The following KCNH5 variants were observed in gnomAD, a reference collection of about 807,000 sequenced individuals.
The protein encoded by KCNH5 is voltage-gated delayed rectifier potassium channel KCNH5.
In KCNH5, 46 loss-of-function variants were observed where a neutral mutation model predicts 96.1. The ratio of observed to expected loss-of-function variants is 0.48; its 90% CI spans 0.38 to 0.61. The LOEUF (loss-of-function observed/expected upper bound fraction) is 0.61. Ranked by LOEUF, KCNH5 falls within the 20% of genes least tolerant of loss-of-function variation. The pLI, the probability that KCNH5 is intolerant of heterozygous loss-of-function variation, is 0.00. For synonymous variants in KCNH5, 439 were observed against 449.8 expected (o/e 0.98, Z 0.30); for missense variants, 907 against 1,225.8 (o/e 0.74, Z 3.88).
At chr14:62,862,713 T>C (rs1888061661) in intron 7 of KCNH5, among the ~76,000 whole-genome samples, 1 of 152,196 alleles carries the variant, frequency 6.6e-6, no homozygotes, top group African/African-American at 2.4e-5. Context: ...TGGGTTGTAC[T>C]GAGGGACAAC....
chr14:63,007,493 C>T (rs1326922557), intron 2 of KCNH5, among the ~76,000 whole-genome samples: 1 of 152,128 alleles, frequency 6.6e-6, no homozygotes, highest in Non-Finnish European at 1.5e-5. Context: ...AATCACAGTA[C>T]ACTAAATAAA....
chr14:62,894,017 C>T (rs552671968), intron 7 of KCNH5, among the ~76,000 whole-genome samples: 56 of 152,272 alleles, frequency 3.7e-4, no homozygotes, highest in African/African-American at 1.2e-3. Flanking sequence ...AAAGATTATG[C>T]CTCATTGAAG....
intron 8 of KCNH5, among the ~76,000 whole-genome samples, chr14:62,821,181 T>C (rs1455839281): frequency 1.3e-5 from 2 of 151,686 alleles, no homozygotes; most frequent in South Asian, 4.2e-4. Context: ...AGATGACATA[T>C]GTGCAGCCAA....
At chr14:62,746,359 C>T (rs559149120) in intron 10 of KCNH5, among the ~76,000 whole-genome samples, 23 of 152,288 alleles carry the variant, frequency 1.5e-4, no homozygotes, top group Admixed American at 7.2e-4. Context: ...TTACATTATT[C>T]ACATGCTTTG....
At chr14:62,848,121 A>G (rs1028816863) in intron 8 of KCNH5, among the ~76,000 whole-genome samples, 1 of 152,186 alleles carries the variant, frequency 6.6e-6, no homozygotes, top group Admixed American at 6.5e-5. Flanking sequence ...ACTGATTTTT[A>G]TTAGTTACCA....
At chr14:62,913,548 C>A (rs1398933867) in intron 7 of KCNH5, among the ~76,000 whole-genome samples, 1 of 152,074 alleles carries the variant, frequency 6.6e-6, no homozygotes, top group Non-Finnish European at 1.5e-5. Flanking sequence ...ATTTAGAGGT[C>A]AGTGAACAAC....
intron 10 of KCNH5, among the ~76,000 whole-genome samples, chr14:62,748,557 T>C (rs1412083742): frequency 6.6e-6 from 1 of 152,012 alleles, no homozygotes; most frequent in Non-Finnish European, 1.5e-5. Flanking sequence ...CCCTGACATA[T>C]CTCCCTGCTT....
intron 8 of KCNH5, among the ~76,000 whole-genome samples, chr14:62,813,671 A>C (rs570200155): frequency 6.6e-6 from 1 of 152,312 alleles, no homozygotes; most frequent in South Asian, 2.1e-4. Flanking sequence ...GACACAATTA[A>C]GTTATGCACT....
chr14:63,036,849 G>A (rs1891731195), intron 1 of KCNH5, among the ~76,000 whole-genome samples: 1 of 152,060 alleles, frequency 6.6e-6, no homozygotes, highest in Non-Finnish European at 1.5e-5. Flanking sequence ...GATGAATGGT[G>A]GAGAGGGTAG....
chr14:62,735,289 G>A (rs1374499186), intron 10 of KCNH5, among the ~76,000 whole-genome samples: 1 of 152,170 alleles, frequency 6.6e-6, no homozygotes, highest in African/African-American at 2.4e-5. Flanking sequence ...TCATCAGGAA[G>A]GGACTCACTT....
intron 7 of KCNH5, among the ~76,000 whole-genome samples, chr14:62,916,111 C>T (rs1889269689): frequency 6.6e-6 from 1 of 151,954 alleles, no homozygotes; most frequent in African/African-American, 2.4e-5. Context: ...CGCCACTACG[C>T]CCGGCTAATT....
At chr14:63,004,107 C>T (rs932406404) in intron 3 of KCNH5, among the ~76,000 whole-genome samples, 7 of 152,188 alleles carry the variant, frequency 4.6e-5, no homozygotes, top group Non-Finnish European at 7.3e-5. Flanking sequence ...GCTTAAAGGA[C>T]GTATTGGGAG....
At chr14:62,969,757 ATTT>A (rs779644836) in intron 6 of KCNH5, among the ~76,000 whole-genome samples, 2 of 113,898 alleles carry the variant, frequency 1.8e-5, no homozygotes, top group Admixed American at 9.3e-5. Flanking sequence ...AATAAAATTA[ATTT>A]TTTTTTTTTT....
rs71120235 is a variant in KCNH5 at position 62,814,782 on chromosome 14, C to CAAAAAAAAAAAAAAAAA, written c.1570-12218_1570-12202dup. Among the ~76,000 whole-genome samples, 13 of 33,758 alleles carry CAAAAAAAAAAAAAAAAA rather than the reference C, an allele frequency of 3.9e-4. 3 individuals are homozygous for CAAAAAAAAAAAAAAAAA. Among genetic ancestry groups the CAAAAAAAAAAAAAAAAA allele is most frequent in the Admixed American group, 1.1e-3 (2 of 1,758 alleles). The allele number at this position is 33,758 out of a possible 152,430, so 22.1% of individuals were successfully genotyped here. A position where few individuals can be genotyped will look rare whatever the true frequency, so the allele number is the denominator to read the frequency against. On this transcript the variant is annotated intron_variant, in intron 8 of 10. Transcript: ENST00000322893. Reference sequence around the variant, plus strand: ...TGGGCGACAAAGCGAGACTCCATCTCAAAAAAAAAAAAAAAAAAAAAAAAA... The same window carrying CAAAAAAAAAAAAAAAAA: ...TGGGCGACAAAGCGAGACTCCATCTCAAAAAAAAAAAAAAAAAAAAAAAAAAAAAAAAAAAAAAAAAA...
intron 8 of KCNH5, among the ~76,000 whole-genome samples, chr14:62,842,051 A>G (rs1887596186): frequency 6.6e-6 from 1 of 152,248 alleles, no homozygotes; most frequent in Non-Finnish European, 1.5e-5. Flanking sequence ...CAAGAAAAGA[A>G]TGTGCTTAAT....
intron 1 of KCNH5, among the ~76,000 whole-genome samples, chr14:63,038,472 T>C (rs1408941956): frequency 6.6e-6 from 1 of 152,136 alleles, no homozygotes; most frequent in Non-Finnish European, 1.5e-5. Flanking sequence ...TACTTAATAG[T>C]TATATTTCTG....
intron 4 of KCNH5, among the ~76,000 whole-genome samples, chr14:62,997,821 A>G (rs1442379018): frequency 4.1e-5 from 6 of 146,842 alleles, no homozygotes; most frequent in African/African-American, 1.5e-4. Flanking sequence ...AATGGCATGA[A>G]CCTGGGAGAC....
At chr14:62,764,894 A>G (rs1885827119) in intron 10 of KCNH5, among the ~76,000 whole-genome samples, 1 of 152,208 alleles carries the variant, frequency 6.6e-6, no homozygotes, top group Non-Finnish European at 1.5e-5. Context: ...ATGGAAAAAC[A>G]TTCTACACTC....
chr14:62,934,742 T>C (rs1889645790), intron 7 of KCNH5, among the ~76,000 whole-genome samples: 2 of 152,156 alleles, frequency 1.3e-5, no homozygotes, highest in Admixed American at 1.3e-4. Flanking sequence ...AAAACAATAA[T>C]CTTAAAAGCA....
Sources: gnomAD v4.1 joint callset for allele counts (sites outside exome capture counted in the v4.1 genomes callset) on GRCh38, gnomAD v4.1.1 for gene constraint, MANE v1.5 for transcripts, NCBI Gene and HGNC (gene_info 2026-07-23, HGNC 2026-07-21) for gene names.